SRBD1: variants seen among roughly 807,000 people sequenced by gnomAD.
SRBD1 encodes S1 RNA binding domain 1.
In SRBD1, 88 loss-of-function variants were observed where a neutral mutation model predicts 115.3. The ratio of observed to expected loss-of-function variants is 0.76; its 90% CI spans 0.64 to 0.91. The LOEUF (loss-of-function observed/expected upper bound fraction) is 0.91, where lower values mean the gene tolerates loss of function less well. Among genes scored for constraint, SRBD1 ranks in the 40% least tolerant of loss-of-function variants. The pLI, the probability that SRBD1 is intolerant of heterozygous loss-of-function variation, is 0.00. For missense variants in SRBD1, 1,385 were observed against 1,177.4 expected (o/e 1.18, Z -2.58); for synonymous variants, 509 against 407.7 (o/e 1.25, Z -2.99).
At chr2:45,604,860 G>A (rs529203491) in intron 2 of SRBD1, among the ~76,000 whole-genome samples, 1 of 152,210 alleles carries the variant, frequency 6.6e-6, no homozygotes, top group South Asian at 2.1e-4. Flanking sequence ...TATCTTCAGA[G>A]CACCTAATAT....
intron 4 of SRBD1, among the ~76,000 whole-genome samples, chr2:45,596,413 T>C (rs1479154748): frequency 2.0e-5 from 3 of 152,226 alleles, no homozygotes; most frequent in African/African-American, 4.8e-5. Context: ...GGTTAACGGA[T>C]TGCAGAACAA....
chr2:45,412,753 T>A (rs190841375), intron 19 of SRBD1, among the ~76,000 whole-genome samples: 1 of 152,332 alleles, frequency 6.6e-6, no homozygotes, highest in East Asian at 1.9e-4. Context: ...AAAGCTGAGT[T>A]GGTTGTTTAC....
At chr2:45,461,633 A>C (rs1303284145) in intron 16 of SRBD1, among the ~76,000 whole-genome samples, 2 of 151,880 alleles carry the variant, frequency 1.3e-5, no homozygotes, top group Non-Finnish European at 2.9e-5. Context: ...CGCCGCCCCT[A>C]CTTTTAAACC....
intron 14 of SRBD1, among the ~76,000 whole-genome samples, chr2:45,531,689 G>A (rs1323988134): frequency 1.6e-5 from 2 of 127,036 alleles, no homozygotes; most frequent in Non-Finnish European, 3.3e-5. Flanking sequence ...AAACTTAGCT[G>A]TAAGAAGTTC....
intron 4 of SRBD1, among the ~76,000 whole-genome samples, chr2:45,593,564 G>A (rs1673791043): frequency 6.6e-6 from 1 of 152,150 alleles, no homozygotes; most frequent in South Asian, 2.1e-4. Flanking sequence ...TATTTCCTCA[G>A]TTAAAAAGAA....
intron 1 of SRBD1, among the ~76,000 whole-genome samples, chr2:45,607,606 C>T (rs1674312839): frequency 2.6e-5 from 4 of 151,868 alleles, no homozygotes; most frequent in Admixed American, 1.3e-4. Context: ...AGAACCAAAC[C>T]AATTTACCCT....
chr2:45,547,662 A>C (rs1672164860), intron 12 of SRBD1, 50 bp from the exon 13 acceptor site: 2 of 1,475,936 alleles, frequency 1.4e-6, no homozygotes, highest in Non-Finnish European at 1.9e-6. Context: ...TACAAAGTGA[A>C]ACACATGAAT....
intron 16 of SRBD1, among the ~76,000 whole-genome samples, chr2:45,449,903 A>G (rs182350580): frequency 1.3e-5 from 2 of 152,134 alleles, no homozygotes; most frequent in East Asian, 2.0e-4. Flanking sequence ...AAGGGTGATC[A>G]GGGCTTCATA....
At chr2:45,509,107 G>C (rs1027670679) in intron 14 of SRBD1, among the ~76,000 whole-genome samples, 7 of 152,060 alleles carry the variant, frequency 4.6e-5, no homozygotes, top group Non-Finnish European at 1.5e-5. Flanking sequence ...ATAATGGCTT[G>C]TTCTGAAGCA....
At chr2:45,583,919 A>G (rs1400178257) in intron 5 of SRBD1, among the ~76,000 whole-genome samples, 2 of 152,212 alleles carry the variant, frequency 1.3e-5, no homozygotes, top group South Asian at 2.1e-4. Flanking sequence ...GGTTTTTTAA[A>G]GAAAAAGAAA....
At chr2:45,395,294 A>C (rs1056497080) in intron 19 of SRBD1, among the ~76,000 whole-genome samples, 5 of 152,208 alleles carry the variant, frequency 3.3e-5, no homozygotes, top group Non-Finnish European at 7.3e-5. Context: ...ATAATTAATA[A>C]AAGTAACTAA....
intron 4 of SRBD1, among the ~76,000 whole-genome samples, chr2:45,588,451 T>C (rs1478130986): frequency 6.6e-6 from 1 of 152,178 alleles, no homozygotes; most frequent in Non-Finnish European, 1.5e-5. Flanking sequence ...ATCAACTCAT[T>C]TATATTTTCT....
intron 19 of SRBD1, among the ~76,000 whole-genome samples, chr2:45,396,808 T>G (rs2103822092): frequency 6.6e-6 from 1 of 152,316 alleles, no homozygotes; most frequent in Middle Eastern, 3.4e-3. Flanking sequence ...CATGGAGATT[T>G]AGGAGCTGAG....
chr2:45,389,132 C>T lies in SRBD1; in HGVS notation c.*178G>A. The T allele has an allele frequency of 1.4e-6, 1 of 734,284 alleles. No individual in the cohort carries two copies. The highest frequency in any genetic ancestry group is 3.0e-5 in the Admixed American group (1 of 32,822). 45.5% of individuals were successfully genotyped at this position (734,284 alleles called of 1,614,324 possible). On this transcript the variant is annotated 3_prime_UTR_variant, in exon 21 of 21. Transcript: ENST00000263736. ...TGTTTCCTTTAAGGGAAAAGGAAAT[C>T]AAACTGTTGGTTTTCTATTTATTCA...
chr2:45,409,000 C>A (rs1051812449), intron 19 of SRBD1, among the ~76,000 whole-genome samples: 1 of 152,078 alleles, frequency 6.6e-6, no homozygotes, highest in African/African-American at 2.4e-5. Flanking sequence ...AGTAGGACTG[C>A]CTGAGCGAAG....
chr2:45,610,592 G>C (rs139046485), intron 1 of SRBD1, among the ~76,000 whole-genome samples: 126 of 152,304 alleles, frequency 8.3e-4, no homozygotes, highest in Middle Eastern at 3.4e-3. Flanking sequence ...CATGTCACGT[G>C]AGGGGTTCGA....
chr2:45,499,507 A>T (rs1382483774), intron 14 of SRBD1, among the ~76,000 whole-genome samples: 3 of 152,074 alleles, frequency 2.0e-5, no homozygotes, highest in Non-Finnish European at 4.4e-5. Context: ...GCTTGATGTA[A>T]TCCCATTTGT....
chr2:45,508,480 AAT>A (rs1350157262), intron 14 of SRBD1, among the ~76,000 whole-genome samples: 2 of 152,198 alleles, frequency 1.3e-5, no homozygotes, highest in African/African-American at 4.8e-5. Flanking sequence ...TTGTCCTAAA[AAT>A]ATAGTCTTTT....
chr2:45,515,065 A>C (rs567805878), intron 14 of SRBD1, among the ~76,000 whole-genome samples: 7 of 152,330 alleles, frequency 4.6e-5, no homozygotes, highest in African/African-American at 1.7e-4. Context: ...ACACTTGGAA[A>C]TTAATACTGT....
Sources: allele counts gnomAD v4.1 joint callset (sites outside exome capture counted in the v4.1 genomes callset), GRCh38; gene constraint gnomAD v4.1.1; transcripts MANE v1.5; gene names NCBI Gene and HGNC (gene_info 2026-07-23, HGNC 2026-07-21).